The following KASH5 variants were observed in gnomAD, a reference collection of about 807,000 sequenced individuals.
KASH5 encodes the protein protein KASH5.
Under a neutral mutation model 84.2 loss-of-function variants are expected in KASH5, and 72 were observed. The ratio of observed to expected loss-of-function variants is 0.85; its 90% CI spans 0.71 to 1.04. The LOEUF (loss-of-function observed/expected upper bound fraction) is 1.04. Among genes scored for constraint, KASH5 ranks in the 50% least tolerant of loss-of-function variants. The pLI, the probability that KASH5 is intolerant of heterozygous loss-of-function variation, is 0.00. For synonymous variants in KASH5, 260 were observed against 279.1 expected (o/e 0.93, Z 0.68); for missense variants, 650 against 701.0 (o/e 0.93, Z 0.82).
intron 9 of KASH5, among the ~76,000 whole-genome samples, chr19:49,403,322 G>A (rs972389877): frequency 6.7e-5 from 10 of 148,694 alleles, no homozygotes; most frequent in Admixed American, 2.0e-4. Context: ...GCAGTGAGCC[G>A]AGATTGTGCC....
At chr19:49,407,175 G>A (rs1680316445) in intron 10 of KASH5, 65 bp from the exon 11 acceptor site, 1 of 1,577,774 alleles carries the variant, frequency 6.3e-7, no homozygotes, top group African/African-American at 1.3e-5. Flanking sequence ...GTGGGGCCAG[G>A]TGGAGGGCAG....
intron 9 of KASH5, among the ~76,000 whole-genome samples, chr19:49,400,581 G>A (rs1010132476): frequency 6.6e-6 from 1 of 151,736 alleles, no homozygotes; most frequent in Non-Finnish European, 1.5e-5. Flanking sequence ...TAGAGACGGG[G>A]TTTTTCCATG....
At chr19:49,405,956 C>CAA (rs59895865) in intron 9 of KASH5, among the ~76,000 whole-genome samples, 2,484 of 67,724 alleles carry the variant, frequency 0.037, 136 homozygotes, top group African/African-American at 0.12. Context: ...AACTCCGTCT[C>CAA]AAAAAAAAAA....
intron 2 of KASH5, 94 bp downstream of exon 2, chr19:49,391,020 T>A (rs1600889430): frequency 1.5e-6 from 2 of 1,372,370 alleles, no homozygotes; most frequent in South Asian, 2.5e-5. Flanking sequence ...TTGGGAGAGG[T>A]GGCTGGGGGT....
intron 15 of KASH5, among the ~76,000 whole-genome samples, chr19:49,411,963 GGA>G (rs1974731694): frequency 7.8e-6 from 1 of 128,892 alleles, no homozygotes; most frequent in African/African-American, 3.0e-5. Context: ...AAGGAAGGAA[GGA>G]AGGAAGGAAA....
At chr19:49,400,368 C>CTT (rs762991520) in intron 9 of KASH5, among the ~76,000 whole-genome samples, 6 of 100,956 alleles carry the variant, frequency 5.9e-5, no homozygotes, top group African/African-American at 1.1e-4. Flanking sequence ...TTTTTTTTTT[C>CTT]TTTTTTTTTT....
At position 49,417,682 on chromosome 19, in the gene KASH5, A is replaced by G. The variant is rs1974957744; in HGVS notation, c.*172A>G. ...AGTCTCCTAGTTTTTTAATGCTGAC[A>G]TTTCTTAACAATAGCAAAACTCCCC... On this transcript the variant is annotated 3_prime_UTR_variant, in exon 20 of 20. Transcript: ENST00000447857. This position sits in a 1 kb window ranked among gnomAD's most constrained non-coding sequence, Gnocchi z 5.2. 1 of 800,710 alleles carries G rather than the reference A, an allele frequency of 1.2e-6. No homozygotes were observed. The highest frequency in any genetic ancestry group is 3.0e-5 in the East Asian group (1 of 33,120). 49.6% of individuals were successfully genotyped at this position (800,710 alleles called of 1,614,324 possible).
chr19:49,406,999 C>G (rs1391059498), intron 10 of KASH5, 36 bp downstream of exon 10: 2 of 1,544,892 alleles, frequency 1.3e-6, no homozygotes, highest in Non-Finnish European at 1.8e-6. Context: ...AACTTTCCAC[C>G]ACCCCGGGGC....
At position 49,407,620 on chromosome 19, in the gene KASH5, C is replaced by A; in HGVS notation, c.942C>A (p.Arg314=). Residue 314 remains arginine (R), a synonymous_variant, in exon 12 of 20, where the codon CGC becomes CGA. Transcript: ENST00000447857. ...QRDTILSERT[R]DVESLAQTLE... ...GCTTTCGGCTTTCCTAGCGCACTCG[C>A]GATGTGGAGAGCCTGGCCCAGACCC... 6.3e-7 allele frequency: 1 copy of A among 1,597,740 alleles called. No homozygotes were observed. The highest frequency in any genetic ancestry group is 1.1e-5 in the South Asian group (1 of 88,034).
Position 49,417,067 on chromosome 19 carries a change from AC to A in KASH5, c.1430del (p.Pro477LeufsTer17). 1 of 1,596,958 alleles carries A rather than the reference AC, an allele frequency of 6.3e-7. No individual in the cohort carries two copies. Among genetic ancestry groups the A allele is most frequent in the African/African-American group, 1.3e-5 (1 of 74,474 alleles). ...GAPRPGDIPENPPERPARREL... is the reference protein window; with the variant it reads ...GAPRPGDIPEXPPERPARREL... ...CCTCGCCCTGGAGACATCCCAGAAA[AC>A]CCTCCAGAGAGGTAATAGGACCCAC... On this transcript the variant is annotated frameshift_variant, in exon 18 of 20. Coordinates refer to ENST00000447857, the MANE Select transcript of KASH5 (RefSeq NM_144688.5). LOFTEE classifies it high-confidence loss of function. This position sits in a 1 kb window ranked among gnomAD's most constrained non-coding sequence, Gnocchi z 5.2.
intron 9 of KASH5, among the ~76,000 whole-genome samples, chr19:49,404,351 T>C (rs575192999): frequency 6.6e-6 from 1 of 152,336 alleles, no homozygotes; most frequent in Admixed American, 6.5e-5. Flanking sequence ...GATAGGTTTT[T>C]GGTGCCCCTA....
chr19:49,397,562 G>C, intron 5 of KASH5, 89 bp from the exon 6 acceptor site: 3 of 1,139,498 alleles, frequency 2.6e-6, no homozygotes, highest in Non-Finnish European at 4.0e-6. Flanking sequence ...TGAGGGTGGA[G>C]GCAGATGGAG....
In KASH5 at chr19:49,416,726, G is replaced by A. The variant is rs1010334416; in HGVS notation, c.1375-289G>A. 2.6e-5 allele frequency among the ~76,000 whole-genome samples: 4 copies of A among 152,210 alleles called. No homozygotes were observed. Among genetic ancestry groups the A allele is most frequent in the African/African-American group, 7.2e-5 (3 of 41,532 alleles). ...AGGCGCTGTCCAAGCTATTGCCCCC[G>A]CCTTTTTTTTCCTACATTCACTCAT... On this transcript the variant is annotated intron_variant, in intron 17 of 19. Transcript: ENST00000447857. The surrounding 1 kb of genome is among the most constrained non-coding windows in gnomAD (Gnocchi z 5.4).
chr19:49,410,546 C>T (rs569314495), intron 15 of KASH5, among the ~76,000 whole-genome samples: 1 of 150,050 alleles, frequency 6.7e-6, no homozygotes, highest in Admixed American at 6.6e-5. Context: ...TGCAGTGGCA[C>T]GATCTCAGCT....
At chr19:49,398,541 T>G (rs1373388211) in intron 7 of KASH5, among the ~76,000 whole-genome samples, 1 of 152,046 alleles carries the variant, frequency 6.6e-6, no homozygotes, top group Non-Finnish European at 1.5e-5. Context: ...TAATTTTGTT[T>G]TATTTTTTAT....
chr19:49,398,256 C>T (rs1157962230), intron 7 of KASH5, 113 bp downstream of exon 7: 1 of 862,374 alleles, frequency 1.2e-6, no homozygotes, highest in Non-Finnish European at 1.7e-6. Context: ...GACTCTGTAC[C>T]TGTCCTTTCT....
chr19:49,403,846 G>A (rs1461322568), intron 9 of KASH5, among the ~76,000 whole-genome samples: 1 of 152,144 alleles, frequency 6.6e-6, no homozygotes, highest in African/African-American at 2.4e-5. Context: ...AGCTATTCTT[G>A]GTTCCCTCCC....
chr19:49,399,738 A>C lies in KASH5; in HGVS notation c.798+231A>C. On this transcript the variant is annotated intron_variant, in intron 9 of 19. Transcript: ENST00000447857. This position sits in a 1 kb window ranked among gnomAD's most constrained non-coding sequence, Gnocchi z 4.4. ...GCTTCAGGCTGAGGCCACCTACATAAGAGTGGACCAGTGCCTCCCTTCTCT... is the reference window on the plus strand; with the variant it reads ...GCTTCAGGCTGAGGCCACCTACATACGAGTGGACCAGTGCCTCCCTTCTCT... 8.0e-7 allele frequency: 1 copy of C among 1,243,080 alleles called. No homozygotes were observed. The highest frequency in any genetic ancestry group is 1.1e-6 in the Non-Finnish European group (1 of 931,016). The allele number at this position is 1,243,080 out of a possible 1,614,324, so 77.0% of individuals were successfully genotyped here.
At chr19:49,415,861 G>A (rs1459921752) in intron 17 of KASH5, among the ~76,000 whole-genome samples, 3 of 152,158 alleles carry the variant, frequency 2.0e-5, no homozygotes, top group Non-Finnish European at 4.4e-5. Flanking sequence ...TGTGATTGGT[G>A]TTCTGTTTTT....
Sources: gnomAD v4.1 joint callset for allele counts (sites outside exome capture counted in the v4.1 genomes callset) on GRCh38, gnomAD v4.1.1 for gene constraint, Gnocchi (gnomAD v3.1) non-coding constraint, MANE v1.5 for transcripts, NCBI Gene and HGNC (gene_info 2026-07-23, HGNC 2026-07-21) for gene names.